Variants in CELF2 observed in about 807,000 individuals in gnomAD.
CELF2 encodes the protein CUGBP Elav-like family member 2, also known as CUG triplet repeat RNA-binding protein 2.
CELF2 carries 8 observed loss-of-function variants against 62.6 expected under a neutral mutation model. That is an observed-to-expected ratio of 0.13 (90% CI 0.07 to 0.23). The LOEUF (loss-of-function observed/expected upper bound fraction) is 0.23, where lower values mean the gene tolerates loss of function less well. Ranked by LOEUF, CELF2 falls within the 10% of genes least tolerant of loss-of-function variation. The probability of loss-of-function intolerance (pLI) is 1.00; values close to 1 mark genes in which losing one functional copy is unlikely to be tolerated. For missense variants in CELF2, 333 were observed against 671.0 expected (o/e 0.50, Z 5.56); for synonymous variants, 258 against 250.0 (o/e 1.03, Z -0.30).
At chr10:10,536,882 C>T in the CELF2 span, among the ~76,000 whole-genome samples, 1 of 152,174 alleles carries the variant, frequency 6.6e-6, no homozygotes, top group South Asian at 2.1e-4. Flanking sequence ...CAGAAGATGA[C>T]AGATGGGATC....
chr10:11,051,443 T>C (rs1380665875), intron 1 of CELF2, among the ~76,000 whole-genome samples: 2 of 152,238 alleles, frequency 1.3e-5, no homozygotes, highest in Non-Finnish European at 2.9e-5. Context: ...AGTTTGCCTC[T>C]CTTGCTCGTC....
upstream of CELF2, among the ~76,000 whole-genome samples, chr10:11,001,865 T>C (rs1415554471): frequency 2.0e-5 from 3 of 152,058 alleles, no homozygotes; most frequent in East Asian, 3.9e-4. Context: ...CTGCAGATGA[T>C]CCCAAAAAAT....
At position 11,329,699 on chromosome 10, in the gene CELF2, G is replaced by C. The variant is rs1447562031; in HGVS notation, c.*646G>C. On this transcript the variant is annotated 3_prime_UTR_variant, in exon 13 of 13. Coordinates refer to ENST00000633077, the MANE Select transcript of CELF2 (RefSeq NM_001326342.2). The surrounding 1 kb of genome is among the most constrained non-coding windows in gnomAD (Gnocchi z 5.5). ...AAATATTACACTGGTTGTCTATTTT[G>C]TTATTGTTTTATTTTAGTTTTTAGA... The C allele has an allele frequency of 6.6e-6, 1 of 152,442 alleles. No homozygotes were observed. Among genetic ancestry groups the C allele is most frequent in the Non-Finnish European group, 1.5e-5 (1 of 68,016 alleles). The allele number at this position is 152,442 out of a possible 1,614,324, so 9.4% of individuals were successfully genotyped here.
intron 1 of CELF2, among the ~76,000 whole-genome samples, chr10:10,828,247 T>C (rs1031345637): frequency 6.6e-6 from 1 of 152,150 alleles, no homozygotes; most frequent in African/African-American, 2.4e-5. Flanking sequence ...GCATTATTCA[T>C]TCAGAGGCAA....
At chr10:10,768,652 C>A in the CELF2 span, among the ~76,000 whole-genome samples, 3 of 151,424 alleles carry the variant, frequency 2.0e-5, no homozygotes, top group South Asian at 6.3e-4. Flanking sequence ...CAGCTCACTG[C>A]AACTTCTGCC....
chr10:10,511,530 AAAAAGC>A, the CELF2 span, among the ~76,000 whole-genome samples: 4 of 152,148 alleles, frequency 2.6e-5, no homozygotes, highest in South Asian at 8.3e-4. Flanking sequence ...GTGTAAAGGA[AAAAAGC>A]AAAAGTAAGA....
rs373461980 is a variant in CELF2, at chr10:11,244,040, G to A, written c.355-5113G>A. On this transcript the variant is annotated intron_variant, in intron 3 of 12. Transcript: ENST00000633077. This position sits in a 1 kb window ranked among gnomAD's most constrained non-coding sequence, Gnocchi z 4.2. ...CTCCTGCTGTCTACTGGGACCTGCA[G>A]GCATGTGCAGGGCACAGCATGAGAT... Among the ~76,000 whole-genome samples the A allele has an allele frequency of 1.2e-3, 176 of 152,338 alleles. No individual in the cohort carries two copies. Among genetic ancestry groups the A allele is most frequent in the African/African-American group, 4.1e-3 (172 of 41,584 alleles).
the CELF2 span, among the ~76,000 whole-genome samples, chr10:10,758,255 C>T: frequency 6.6e-6 from 1 of 152,216 alleles, no homozygotes; most frequent in South Asian, 2.1e-4. Flanking sequence ...AACAAGAGGA[C>T]ACAAATGCAT....
chr10:10,499,694 G>A, the CELF2 span, among the ~76,000 whole-genome samples: 3 of 152,138 alleles, frequency 2.0e-5, no homozygotes, highest in South Asian at 4.1e-4. Context: ...CCTGGTCAAC[G>A]TGGTGAAATC....
At chr10:10,518,750 A>C in the CELF2 span, among the ~76,000 whole-genome samples, 1 of 152,018 alleles carries the variant, frequency 6.6e-6, no homozygotes, top group Non-Finnish European at 1.5e-5. Flanking sequence ...TTCATAGTCA[A>C]AGAAATATGA....
intron 1 of CELF2, among the ~76,000 whole-genome samples, chr10:10,905,338 C>A (rs2134197338): frequency 6.6e-6 from 1 of 152,280 alleles, no homozygotes; most frequent in Admixed American, 6.5e-5. Context: ...CATTGTCTTT[C>A]CTAGGAATGA....
rs1165065975 is a variant in CELF2, at chr10:11,243,544, C to T, written c.355-5609C>T. On this transcript the variant is annotated intron_variant, in intron 3 of 12. Coordinates refer to ENST00000633077, the MANE Select transcript of CELF2 (RefSeq NM_001326342.2). The surrounding 1 kb of genome is among the most constrained non-coding windows in gnomAD (Gnocchi z 4.1). ...CTGCCATTTCCCCACAAGCATGCTG[C>T]GGCCTTGCGTGAGAGGACCAGAGAT... Among the ~76,000 whole-genome samples the T allele has an allele frequency of 6.6e-6, 1 of 152,178 alleles. No individual in the cohort carries two copies. Among genetic ancestry groups the T allele is most frequent in the Non-Finnish European group, 1.5e-5 (1 of 68,030 alleles).
At chr10:11,152,924 A>G (rs1200177308) in intron 1 of CELF2, among the ~76,000 whole-genome samples, 1 of 152,198 alleles carries the variant, frequency 6.6e-6, no homozygotes, top group African/African-American at 2.4e-5. Flanking sequence ...TCCAGGTACC[A>G]TGAGCTTGGC....
intron 5 of CELF2, among the ~76,000 whole-genome samples, chr10:11,259,010 C>T (rs1468141935): frequency 6.6e-6 from 1 of 152,206 alleles, no homozygotes; most frequent in Non-Finnish European, 1.5e-5. Context: ...TACAGGAAAT[C>T]CATATTCTTA....
chr10:10,716,627 A>G, the CELF2 span, among the ~76,000 whole-genome samples: 2 of 152,172 alleles, frequency 1.3e-5, no homozygotes, highest in African/African-American at 4.8e-5. Context: ...GTAGCCATAA[A>G]ATTGAGTTAG....
At chr10:10,768,865 C>T in the CELF2 span, among the ~76,000 whole-genome samples, 3 of 152,138 alleles carry the variant, frequency 2.0e-5, no homozygotes, top group Non-Finnish European at 2.9e-5. Flanking sequence ...TGAGCCACTG[C>T]GCCTGACCCT....
At chr10:10,599,231 T>C in the CELF2 span, among the ~76,000 whole-genome samples, 20,107 of 152,234 alleles carry the variant, frequency 0.13, 1,590 homozygotes, top group Non-Finnish European at 0.19. Context: ...GAGACTTCAA[T>C]TGAAATTTTG....
At chr10:10,847,700 A>G (rs1182065830) in intron 1 of CELF2, among the ~76,000 whole-genome samples, 3 of 152,206 alleles carry the variant, frequency 2.0e-5, no homozygotes, top group Non-Finnish European at 2.9e-5. Context: ...TCTGTTTTAA[A>G]GCAGTGGCTC....
At chr10:10,668,539 A>T in the CELF2 span, among the ~76,000 whole-genome samples, 1 of 152,336 alleles carries the variant, frequency 6.6e-6, no homozygotes, top group East Asian at 1.9e-4. Context: ...CCATTGCATC[A>T]TGTCAAAGAC....
Sources: gnomAD v4.1 joint callset for allele counts (sites outside exome capture counted in the v4.1 genomes callset) on GRCh38, gnomAD v4.1.1 for gene constraint, Gnocchi (gnomAD v3.1) non-coding constraint, MANE v1.5 for transcripts, NCBI Gene and HGNC (gene_info 2026-07-23, HGNC 2026-07-21) for gene names.